ZC3H12D: variants seen among roughly 807,000 people sequenced by gnomAD.
The protein encoded by ZC3H12D is probable ribonuclease ZC3H12D.
In ZC3H12D, 11 loss-of-function variants were observed where a neutral mutation model predicts 24.2. The observed-to-expected ratio is 0.46, with a 90% CI of 0.29 to 0.75. The LOEUF (loss-of-function observed/expected upper bound fraction) is 0.75, where lower values mean the gene tolerates loss of function less well. ZC3H12D is among the 30% of genes least tolerant of loss of function. ZC3H12D has a pLI of 0.11. For synonymous variants in ZC3H12D, 333 were observed against 341.8 expected, an observed-to-expected ratio of 0.97 and a Z score of 0.28; for missense variants, 740 against 767.7, an observed-to-expected ratio of 0.96 and a Z score of 0.43.
intron 2 of ZC3H12D, among the ~76,000 whole-genome samples, chr6:149,462,719 T>C (rs889899369): frequency 6.6e-6 from 1 of 152,190 alleles, no homozygotes; most frequent in African/African-American, 2.4e-5. Flanking sequence ...CAGAAGAAAG[T>C]AGAATGAGCG....
intron 3 of ZC3H12D, among the ~76,000 whole-genome samples, chr6:149,458,332 C>T (rs979300097): frequency 8.6e-5 from 13 of 151,536 alleles, no homozygotes; most frequent in African/African-American, 2.4e-4. Context: ...GATGGGAATT[C>T]GCCATGTTGC....
chr6:149,462,086 G>A (rs998186038), intron 2 of ZC3H12D, 116 bp from the exon 3 acceptor site: 14 of 1,303,512 alleles, frequency 1.1e-5, no homozygotes, highest in South Asian at 1.5e-5. Context: ...GAAAATCTAT[G>A]TTTTAGGCCA....
At chr6:149,458,111 C>CTCGTTTCTTTTTTTTTTTTTTTTTTTTT (rs1246641761) in intron 3 of ZC3H12D, among the ~76,000 whole-genome samples, 1 of 80,240 alleles carries the variant, frequency 1.2e-5, no homozygotes, top group African/African-American at 4.6e-5. Flanking sequence ...CTTTCTTTTT[C>CTCGTTTCTTTTTTTTTTTTTTTTTTTTT]TTTTTTTTTT....
intron 1 of ZC3H12D, among the ~76,000 whole-genome samples, chr6:149,476,457 T>G (rs1264288227): frequency 6.6e-6 from 1 of 151,978 alleles, no homozygotes; most frequent in Admixed American, 6.6e-5. Flanking sequence ...TAAGCCAAGA[T>G]CGTGCTACTG....
At chr6:149,480,189 T>C (rs1320552301) in intron 1 of ZC3H12D, among the ~76,000 whole-genome samples, 1 of 152,088 alleles carries the variant, frequency 6.6e-6, no homozygotes, top group African/African-American at 2.4e-5. Flanking sequence ...TCATTCACAA[T>C]CAATTAAAGA....
intron 1 of ZC3H12D, among the ~76,000 whole-genome samples, chr6:149,477,837 G>A (rs141063745): frequency 2.6e-5 from 4 of 152,252 alleles, no homozygotes; most frequent in African/African-American, 4.8e-5. Context: ...AGGGAAGCCC[G>A]GGGGACTCCA....
Position 149,448,621 on chromosome 6 carries a change from T to TTCAGGCCTGAGA in ZC3H12D, c.*2050_*2061dup, listed in dbSNP as rs1775827309. The TTCAGGCCTGAGA allele has an allele frequency of 1.3e-5, 2 of 152,218 alleles. 1 individual carries two copies. Among genetic ancestry groups the TTCAGGCCTGAGA allele is most frequent in the South Asian group, 4.1e-4 (2 of 4,832 alleles). 9.4% of individuals were successfully genotyped at this position (152,218 alleles called of 1,614,324 possible). ...ACTTATTTACAAAGAATGGGTCATC[T>TTCAGGCCTGAGA]TCAGGCCTGAGATCCCAATATGTTA... On this transcript the variant is annotated 3_prime_UTR_variant, in exon 6 of 6. Transcript: ENST00000409806.
At position 149,450,539 on chromosome 6, in the gene ZC3H12D, G is replaced by A; in HGVS notation, c.*144C>T. ...CAGGCCCCCACAACCCCGCTCAGGAGGAGGAAGCAGGCTTCCCTGACCATC... is the reference window on the plus strand; with the variant it reads ...CAGGCCCCCACAACCCCGCTCAGGAAGAGGAAGCAGGCTTCCCTGACCATC... On this transcript the variant is annotated 3_prime_UTR_variant, in exon 6 of 6. Coordinates refer to ENST00000409806, the MANE Select transcript of ZC3H12D (RefSeq NM_207360.3). The A allele has an allele frequency of 3.4e-6, 3 of 884,474 alleles. No homozygotes were observed. The highest frequency in any genetic ancestry group is 4.9e-6 in the Non-Finnish European group (3 of 608,908). 54.8% of individuals were successfully genotyped at this position (884,474 alleles called of 1,614,324 possible).
chr6:149,454,347 T>C (rs937164236), intron 4 of ZC3H12D, among the ~76,000 whole-genome samples: 1 of 152,174 alleles, frequency 6.6e-6, no homozygotes, highest in African/African-American at 2.4e-5. Flanking sequence ...GAGGTTGGGA[T>C]TGTAAATCAA....
chr6:149,452,843 A>G lies in ZC3H12D; in HGVS notation c.681-121T>C, dbSNP rs1235065172. 3.7e-6 allele frequency: 3 copies of G among 816,250 alleles called. No homozygotes were observed. The highest frequency in any genetic ancestry group is 5.9e-6 in the Non-Finnish European group (3 of 507,628). The allele number at this position is 816,250 out of a possible 1,614,324, so 50.6% of individuals were successfully genotyped here. On this transcript the variant is annotated intron_variant, in intron 4 of 5. Coordinates refer to ENST00000409806, the MANE Select transcript of ZC3H12D (RefSeq NM_207360.3). The surrounding 1 kb of genome is among the most constrained non-coding windows in gnomAD (Gnocchi z 4.0). ...GGAAGCATTCGGCCCCGGGCCCACC[A>G]TCACCCAGCAGGATGTCACAGCATC...
intron 2 of ZC3H12D, among the ~76,000 whole-genome samples, chr6:149,472,528 A>G (rs557339325): frequency 7.2e-6 from 1 of 138,470 alleles, no homozygotes; most frequent in East Asian, 2.4e-4. Context: ...AATTAATCTG[A>G]TTGCAATCAT....
chr6:149,482,002 T>C (rs1222740536), intron 1 of ZC3H12D, among the ~76,000 whole-genome samples: 1 of 152,230 alleles, frequency 6.6e-6, no homozygotes. Flanking sequence ...CACTGGGGGC[T>C]TTCGCCTGGA....
chr6:149,458,520 G>C (rs779188247), intron 3 of ZC3H12D, among the ~76,000 whole-genome samples: 7 of 151,924 alleles, frequency 4.6e-5, no homozygotes, highest in Non-Finnish European at 1.0e-4. Flanking sequence ...TGTCTTTTTC[G>C]TTCATCATTG....
Position 149,456,637 on chromosome 6 carries a change from C to CCCGGGGGGG in ZC3H12D, c.680+28_680+29insCCCCCCCGG. On this transcript the variant is annotated intron_variant, in intron 4 of 5. Coordinates refer to ENST00000409806, the MANE Select transcript of ZC3H12D (RefSeq NM_207360.3). The surrounding 1 kb of genome is among the most constrained non-coding windows in gnomAD (Gnocchi z 4.3). ...CCCGGCCCCCCGCCCCGCCGCCCCC[C>CCCGGGGGGG]AGGGTGTCAGGACCCCAGCCGGACC... 6.4e-7 allele frequency: 1 copy of CCCGGGGGGG among 1,554,914 alleles called. No individual in the cohort carries two copies. The highest frequency in any genetic ancestry group is 1.4e-5 in the African/African-American group (1 of 73,856).
chr6:149,482,676 G>A (rs1453286348), intron 1 of ZC3H12D, among the ~76,000 whole-genome samples: 1 of 152,178 alleles, frequency 6.6e-6, no homozygotes, highest in Non-Finnish European at 1.5e-5. Flanking sequence ...CTGACTAGAA[G>A]GGCCCTGAGG....
chr6:149,461,811 A>G lies in ZC3H12D; in HGVS notation c.445+20T>C, dbSNP rs1482821925. The stretch of plus-strand genomic sequence containing the variant: ...GAAACGTGTCTAGTACCTCTTGAGC[A>G]TACATCTGCTCCAGCATACCTCTGA... On this transcript the variant is annotated intron_variant, in intron 3 of 5. Coordinates refer to ENST00000409806, the MANE Select transcript of ZC3H12D (RefSeq NM_207360.3). 1 of 1,550,020 alleles carries G rather than the reference A, an allele frequency of 6.5e-7. No homozygotes were observed. The highest frequency in any genetic ancestry group is 8.7e-7 in the Non-Finnish European group (1 of 1,146,572).
At chr6:149,477,481 C>T (rs922678378) in intron 1 of ZC3H12D, among the ~76,000 whole-genome samples, 4 of 152,370 alleles carry the variant, frequency 2.6e-5, no homozygotes, top group East Asian at 1.9e-4. Context: ...CTGGGAACCA[C>T]TCCTTGACTT....
chr6:149,454,884 G>A (rs528523157), intron 4 of ZC3H12D, among the ~76,000 whole-genome samples: 12 of 152,366 alleles, frequency 7.9e-5, no homozygotes, highest in Admixed American at 5.2e-4. Context: ...CCTGCAGGGC[G>A]CTGCTGCCAT....
At chr6:149,467,004 C>T (rs1776174704) in intron 2 of ZC3H12D, among the ~76,000 whole-genome samples, 1 of 152,180 alleles carries the variant, frequency 6.6e-6, no homozygotes, top group Non-Finnish European at 1.5e-5. Flanking sequence ...CATTCACAAG[C>T]CATCTCTGAC....
Sources: allele counts gnomAD v4.1 joint callset (sites outside exome capture counted in the v4.1 genomes callset), GRCh38; gene constraint gnomAD v4.1.1; non-coding constraint Gnocchi (gnomAD v3.1); transcripts MANE v1.5; gene names NCBI Gene and HGNC (gene_info 2026-07-23, HGNC 2026-07-21).